The following PAX8 variants were observed in gnomAD, a reference collection of about 807,000 sequenced individuals.
PAX8 encodes the protein paired box protein Pax-8.
A neutral mutation model predicts 52.4 loss-of-function variants in PAX8; 15 were observed. The ratio of observed to expected loss-of-function variants is 0.29; its 90% CI spans 0.19 to 0.44. The LOEUF (loss-of-function observed/expected upper bound fraction) is 0.44, where lower values mean the gene tolerates loss of function less well. Among genes scored for constraint, PAX8 ranks in the 20% least tolerant of loss-of-function variants. The pLI, the probability that PAX8 is intolerant of heterozygous loss-of-function variation, is 1.00. For synonymous variants in PAX8, 284 were observed against 249.7 expected, an observed-to-expected ratio of 1.14 and a Z score of -1.29; for missense variants, 554 against 602.5, an observed-to-expected ratio of 0.92 and a Z score of 0.84.
intron 2 of PAX8, chr2:113,274,170 TAAAC>T (rs1377706825): frequency 1.3e-5 from 2 of 152,164 alleles, no homozygotes; most frequent in East Asian, 1.9e-4. Flanking sequence ...AAAATAAACA[TAAAC>T]AACACTCGAA....
chr2:113,274,100 C>T (rs1049937330), intron 2 of PAX8: 4 of 152,210 alleles, frequency 2.6e-5, no homozygotes, highest in African/African-American at 9.6e-5. Flanking sequence ...AGTCACAAGT[C>T]GATCTGTGAA....
chr2:113,260,610 G>A (rs1395835295), intron 2 of PAX8, among the ~76,000 whole-genome samples: 1 of 152,092 alleles, frequency 6.6e-6, no homozygotes, highest in African/African-American at 2.4e-5. Flanking sequence ...GGAAATAACA[G>A]CTGTAGCTGG....
intron 9 of PAX8, among the ~76,000 whole-genome samples, chr2:113,227,793 A>G (rs1049960048): frequency 2.0e-5 from 3 of 152,288 alleles, no homozygotes; most frequent in Admixed American, 6.5e-5. Context: ...GACATTGCTA[A>G]TCAACCACTA....
intron 2 of PAX8, among the ~76,000 whole-genome samples, chr2:113,277,160 G>T (rs1346057452): frequency 6.6e-6 from 1 of 152,190 alleles, no homozygotes; most frequent in Non-Finnish European, 1.5e-5. Context: ...CCTTCTGGGG[G>T]CAGCCGGACG....
chr2:113,278,462 C>T lies in PAX8; in HGVS notation c.-68G>A. The T allele has an allele frequency of 6.2e-7, 1 of 1,604,628 alleles. No homozygotes were observed. The highest frequency in any genetic ancestry group is 8.5e-7 in the Non-Finnish European group (1 of 1,176,560). ...CTCCCGTAGGTCCGGGCCGCGCCTG[C>T]CGCTGCCCTGCACAAACCCAGGAGA... On this transcript the variant is annotated 5_prime_UTR_variant, in exon 2 of 12. Coordinates refer to ENST00000429538, the MANE Select transcript of PAX8 (RefSeq NM_003466.4).
At chr2:113,247,918 G>C (rs1244485100) in intron 2 of PAX8, among the ~76,000 whole-genome samples, 1 of 152,216 alleles carries the variant, frequency 6.6e-6, no homozygotes, top group East Asian at 1.9e-4. Flanking sequence ...GTGACATGCA[G>C]AGAGTTATGG....
intron 3 of PAX8, 95 bp downstream of exon 3, chr2:113,246,659 C>A: frequency 7.2e-7 from 1 of 1,387,322 alleles, no homozygotes; most frequent in Non-Finnish European, 1.0e-6. Context: ...AGCAAATCCC[C>A]GTTCCCTGGG....
intron 2 of PAX8, chr2:113,255,265 GGGGA>G (rs1692156670): frequency 4.0e-5 from 1 of 25,268 alleles, no homozygotes; most frequent in Non-Finnish European, 7.1e-5. Flanking sequence ...GGAGGAGGGA[GGGGA>G]GGAGGGAGGG....
rs1394257960 is a variant in PAX8, at chr2:113,244,564, G to T, written c.252C>A (p.Ala84=). 1 of 1,614,126 alleles carries T rather than the reference G, an allele frequency of 6.2e-7. No individual in the cohort carries two copies. The highest frequency in any genetic ancestry group is 2.2e-5 in the East Asian group (1 of 44,880). The part of the protein sequence containing the change: ...GVIGGSKPKV[A]TPKVVEKIGD... ...CAATCTTCTCCACCACCTTGGGGGT[G>T]GCCACCTTGGGCTTGGAGCCCCCTA... The change falls in exon 4 of 12, where the codon GCC becomes GCA. Residue 84 remains alanine, a synonymous_variant. Coordinates refer to ENST00000429538, the MANE Select transcript of PAX8 (RefSeq NM_003466.4).
chr2:113,246,557 G>A (rs1455571534), intron 3 of PAX8, among the ~76,000 whole-genome samples, 197 bp downstream of exon 3: 2 of 151,882 alleles, frequency 1.3e-5, no homozygotes, highest in Middle Eastern at 3.2e-3. Context: ...AAGAAGGAAG[G>A]GCAAGAAAAC....
At position 113,232,733 on chromosome 2, in the gene PAX8, G is replaced by T. The variant is rs930253031; in HGVS notation, c.1087+2661C>A. Among the ~76,000 whole-genome samples the T allele has an allele frequency of 5.9e-5, 9 of 152,156 alleles. No individual in the cohort carries two copies. In the South Asian group the frequency reaches 6.2e-4, roughly 10 times the overall value. ...GGGACAAAGTGTAGGGGCTTTGGGA[G>T]TAGGGAGTTTGCCCTGGGCTGTTCC... On this transcript the variant is annotated intron_variant, in intron 9 of 11. Coordinates refer to ENST00000429538, the MANE Select transcript of PAX8 (RefSeq NM_003466.4).
At chr2:113,221,320 A>G (rs978542115) in intron 10 of PAX8, among the ~76,000 whole-genome samples, 5 of 152,090 alleles carry the variant, frequency 3.3e-5, no homozygotes, top group Admixed American at 6.5e-5. Flanking sequence ...CCTTTCAGAA[A>G]CTCACCTACG....
intron 2 of PAX8, among the ~76,000 whole-genome samples, chr2:113,254,397 G>A (rs890026457): frequency 1.3e-5 from 2 of 152,174 alleles, no homozygotes; most frequent in African/African-American, 4.8e-5. Flanking sequence ...GTGTAATGGG[G>A]TGGGGGTGCA....
At chr2:113,234,228 C>T (rs953869347) in intron 9 of PAX8, among the ~76,000 whole-genome samples, 12 of 152,266 alleles carry the variant, frequency 7.9e-5, no homozygotes, top group African/African-American at 2.9e-4. Flanking sequence ...TGGGTCTCTG[C>T]TTCCCACTTT....
chr2:113,241,349 G>T (rs1690820989), intron 7 of PAX8: 1 of 665,406 alleles, frequency 1.5e-6, no homozygotes, highest in Admixed American at 2.2e-5. Flanking sequence ...GGTGAAGGAA[G>T]CCAGGAGGGT....
At chr2:113,276,405 G>A (rs1185089361) in intron 2 of PAX8, 1 of 152,024 alleles carries the variant, frequency 6.6e-6, no homozygotes, top group African/African-American at 2.4e-5. Flanking sequence ...TTGGAAAGAG[G>A]GTAGAAGAAG....
intron 2 of PAX8, chr2:113,271,453 C>G (rs934502102): frequency 1.3e-5 from 2 of 152,102 alleles, no homozygotes; most frequent in Admixed American, 6.6e-5. Flanking sequence ...AGTGGCTGAT[C>G]ATCTCCTTCC....
In PAX8 at chr2:113,220,133, G is replaced by A. The variant is rs772345667; in HGVS notation, c.1235C>T (p.Ser412Phe). The A allele has an allele frequency of 4.3e-6, 7 of 1,613,896 alleles. No individual in the cohort carries two copies. ...GNAYGHTPYSSYSEAWRFPNS... is the reference protein window; with the variant it reads ...GNAYGHTPYSFYSEAWRFPNS... ...GGGGAAGCGCCAGGCCTCGCTGTAGGAGGAGTAGGGGGTGTGGCCATAGGC... is the reference window on the plus strand; with the variant it reads ...GGGGAAGCGCCAGGCCTCGCTGTAGAAGGAGTAGGGGGTGTGGCCATAGGC... Residue 412 changes from serine to phenylalanine, a missense_variant, in exon 11 of 12, where the codon TCC becomes TTC. Coordinates refer to ENST00000429538, the MANE Select transcript of PAX8 (RefSeq NM_003466.4).
chr2:113,227,192 G>T lies in PAX8; in HGVS notation c.1152C>A (p.Gly384=). The T allele has an allele frequency of 6.2e-7, 1 of 1,608,780 alleles. No individual in the cohort carries two copies. The highest frequency in any genetic ancestry group is 8.5e-7 in the Non-Finnish European group (1 of 1,178,094). ...YPPHIPTSGQ[G]SYASSAIAGM... Reference sequence around the variant, plus strand: ...CTGCGATGGCAGAGGAGGCATAGCTGCCCTGTCCGCTGGTGGGGATGTGGG... The same window carrying T: ...CTGCGATGGCAGAGGAGGCATAGCTTCCCTGTCCGCTGGTGGGGATGTGGG... Residue 384 remains glycine (G), a synonymous_variant, in exon 10 of 12, where the codon GGC becomes GGA. Transcript: ENST00000429538.
Sources: gnomAD v4.1 joint callset for allele counts (sites outside exome capture counted in the v4.1 genomes callset) on GRCh38, gnomAD v4.1.1 for gene constraint, MANE v1.5 for transcripts, NCBI Gene and HGNC (gene_info 2026-07-23, HGNC 2026-07-21) for gene names.